PPP2R5E: variants seen among roughly 807,000 people sequenced by gnomAD.
PPP2R5E encodes serine/threonine-protein phosphatase 2A 56 kDa regulatory subunit epsilon isoform.
PPP2R5E carries 4 observed loss-of-function variants against 65.3 expected under a neutral mutation model. That is an observed-to-expected ratio of 0.06 (90% CI 0.03 to 0.14). The LOEUF is 0.14. Ranked by LOEUF, PPP2R5E falls within the 10% of genes least tolerant of loss-of-function variation. The pLI, the probability that PPP2R5E is intolerant of heterozygous loss-of-function variation, is 1.00. For missense variants in PPP2R5E, 274 were observed against 556.1 expected, an observed-to-expected ratio of 0.49 and a Z score of 5.10; for synonymous variants, 183 against 187.4, an observed-to-expected ratio of 0.98 and a Z score of 0.19.
chr14:63,394,820 C>G (rs1270856550), intron 7 of PPP2R5E, among the ~76,000 whole-genome samples: 1 of 152,238 alleles, frequency 6.6e-6, no homozygotes, highest in African/African-American at 2.4e-5. Context: ...TGTTCAAGGA[C>G]TATACCTGGA....
At chr14:63,483,955 C>T (rs563132469) in intron 2 of PPP2R5E, among the ~76,000 whole-genome samples, 17 of 151,940 alleles carry the variant, frequency 1.1e-4, no homozygotes, top group South Asian at 2.1e-4. Context: ...TGGTGGCGCG[C>T]GCCTATAGTC....
intron 3 of PPP2R5E, among the ~76,000 whole-genome samples, chr14:63,438,082 A>G (rs1041227904): frequency 1.4e-4 from 22 of 152,206 alleles, no homozygotes; most frequent in African/African-American, 5.3e-4. Flanking sequence ...CCTACAGATC[A>G]AGTTTGGCTT....
intron 2 of PPP2R5E, among the ~76,000 whole-genome samples, chr14:63,501,398 C>T (rs1359224276): frequency 2.1e-5 from 3 of 142,404 alleles, no homozygotes; most frequent in Admixed American, 2.1e-4. Context: ...GAGCAAGACT[C>T]CGTCTCAAAA....
intron 2 of PPP2R5E, among the ~76,000 whole-genome samples, chr14:63,469,563 G>A (rs1403861693): frequency 1.3e-5 from 2 of 152,144 alleles, no homozygotes; most frequent in Admixed American, 6.5e-5. Flanking sequence ...GCGTGGTGGC[G>A]AGCGCCTGTA....
At chr14:63,465,823 G>C (rs1889767170) in intron 2 of PPP2R5E, among the ~76,000 whole-genome samples, 1 of 152,138 alleles carries the variant, frequency 6.6e-6, no homozygotes, top group Non-Finnish European at 1.5e-5. Flanking sequence ...CAAATTTCCA[G>C]GATGTGCCTG....
intron 12 of PPP2R5E, among the ~76,000 whole-genome samples, chr14:63,384,059 G>T (rs1884519157): frequency 2.0e-5 from 3 of 152,094 alleles, no homozygotes; most frequent in African/African-American, 7.2e-5. Context: ...TTACATCTTT[G>T]TGCCTTTTAA....
rs555903645 is a variant in PPP2R5E at position 63,515,086 on chromosome 14, G to A, written c.157+24443C>T. Among the ~76,000 whole-genome samples the A allele has an allele frequency of 1.1e-4, 17 of 152,026 alleles. No individual in the cohort carries two copies. The South Asian group carries it at 3.5e-3, about 32-fold the overall frequency. On this transcript the variant is annotated intron_variant, in intron 2 of 13. Transcript: ENST00000337537. ...CATGTCACTTCTGTATTTCTGACCT[G>A]GCCATACCTCCGTACAACCCTAAGC... is the stretch of plus-strand genomic sequence containing the variant.
intron 2 of PPP2R5E, among the ~76,000 whole-genome samples, chr14:63,486,621 G>A (rs562661664): frequency 6.6e-6 from 1 of 151,788 alleles, no homozygotes; most frequent in Non-Finnish European, 1.5e-5. Context: ...GTGGTCCACA[G>A]TACTCCACTG....
chr14:63,425,532 T>TA (rs1274840993), intron 3 of PPP2R5E, among the ~76,000 whole-genome samples: 2 of 152,124 alleles, frequency 1.3e-5, no homozygotes, highest in Non-Finnish European at 1.5e-5. Flanking sequence ...TTCTCTATAG[T>TA]AAAAAATCTG....
chr14:63,377,369 AT>A (rs957905261), intron 13 of PPP2R5E, among the ~76,000 whole-genome samples: 1 of 151,960 alleles, frequency 6.6e-6, no homozygotes, highest in Non-Finnish European at 1.5e-5. Flanking sequence ...CCAATGCCTC[AT>A]TTTTTTTAAA....
intron 2 of PPP2R5E, among the ~76,000 whole-genome samples, chr14:63,536,064 G>A (rs1031858000): frequency 2.0e-5 from 3 of 152,170 alleles, no homozygotes; most frequent in Non-Finnish European, 4.4e-5. Context: ...CCCAGAATGT[G>A]CTTACTACAT....
intron 4 of PPP2R5E, among the ~76,000 whole-genome samples, chr14:63,420,854 C>T (rs545810989): frequency 2.9e-5 from 4 of 138,958 alleles, no homozygotes; most frequent in Non-Finnish European, 4.6e-5. Flanking sequence ...AGATCGAGAC[C>T]ATCCCGGCTA....
chr14:63,517,887 A>C (rs1003346372), intron 2 of PPP2R5E, among the ~76,000 whole-genome samples: 2 of 152,162 alleles, frequency 1.3e-5, no homozygotes, highest in Non-Finnish European at 2.9e-5. Context: ...ACTGACAATA[A>C]TTCTAGATCT....
chr14:63,521,849 C>T (rs966109749), intron 2 of PPP2R5E, among the ~76,000 whole-genome samples: 7 of 152,128 alleles, frequency 4.6e-5, no homozygotes, highest in African/African-American at 7.2e-5. Flanking sequence ...AAACACCACT[C>T]CTTCTGATGC....
chr14:63,491,002 A>AT (rs1397500289), intron 2 of PPP2R5E, among the ~76,000 whole-genome samples: 2 of 151,784 alleles, frequency 1.3e-5, no homozygotes, highest in Non-Finnish European at 2.9e-5. Context: ...AGTGGACTGG[A>AT]TAAAAAAAAA....
intron 2 of PPP2R5E, among the ~76,000 whole-genome samples, chr14:63,486,477 T>C (rs923997640): frequency 6.6e-6 from 1 of 152,062 alleles, no homozygotes. Flanking sequence ...TAAATATCTA[T>C]TATGTATATA....
intron 2 of PPP2R5E, among the ~76,000 whole-genome samples, chr14:63,517,463 A>G (rs201313692): frequency 7.3e-6 from 1 of 137,908 alleles, no homozygotes. Flanking sequence ...TTTAAGCACT[A>G]TCAAAAACCC....
intron 2 of PPP2R5E, among the ~76,000 whole-genome samples, chr14:63,461,058 C>T (rs1594898528): frequency 6.6e-6 from 1 of 152,280 alleles, no homozygotes; most frequent in East Asian, 1.9e-4. Flanking sequence ...TGATCAACTC[C>T]TCATTAGAGG....
intron 13 of PPP2R5E, among the ~76,000 whole-genome samples, chr14:63,381,772 A>G (rs1177276079): frequency 6.6e-6 from 1 of 152,218 alleles, no homozygotes; most frequent in African/African-American, 2.4e-5. Flanking sequence ...TATTCACCAC[A>G]GGTTTGTAGC....
Sources: gnomAD v4.1 joint callset for allele counts (sites outside exome capture counted in the v4.1 genomes callset) on GRCh38, gnomAD v4.1.1 for gene constraint, MANE v1.5 for transcripts, NCBI Gene and HGNC (gene_info 2026-07-23, HGNC 2026-07-21) for gene names.